Variants in HMCN1 observed in about 807,000 individuals in gnomAD.
The protein encoded by HMCN1 is hemicentin 1.
A neutral mutation model predicts 625.9 loss-of-function variants in HMCN1; 321 were observed. That is an observed-to-expected ratio of 0.51 (90% confidence interval 0.47 to 0.56). HMCN1 has a LOEUF of 0.56. HMCN1 is among the 20% of genes least tolerant of loss of function. HMCN1 has a pLI of 0.00. For synonymous variants in HMCN1, 2,425 were observed against 2,417.6 expected (o/e 1.00, Z -0.09); for missense variants, 6,588 against 6,887.3 (o/e 0.96, Z 1.54).
chr1:185,859,234 G>A (rs1458993600), intron 2 of HMCN1, among the ~76,000 whole-genome samples: 2 of 151,438 alleles, frequency 1.3e-5, no homozygotes. Flanking sequence ...GTAAATTAAA[G>A]CAATTTAAAT....
At chr1:185,797,965 CAAAAAAAA>C (rs35031310) in intron 1 of HMCN1, among the ~76,000 whole-genome samples, 2 of 13,664 alleles carry the variant, frequency 1.5e-4, no homozygotes, top group African/African-American at 3.2e-4. Flanking sequence ...GACTCCGTCT[CAAAAAAAA>C]AAAAAAAAAA....
In HMCN1 at chr1:185,788,794, T is replaced by G. The variant is rs563945827; in HGVS notation, c.268+53747T>G. On this transcript the variant is annotated intron_variant, in intron 1 of 106. Transcript: ENST00000271588. Reference sequence around the variant, plus strand: ...GCAGTTTTTCTTTTTAATGGATTTTTTTTTCAAAATTATATTCAGAAAGAA... The same window carrying G: ...GCAGTTTTTCTTTTTAATGGATTTTGTTTTCAAAATTATATTCAGAAAGAA... Among the ~76,000 whole-genome samples, 7 of 152,232 alleles carry G rather than the reference T, an allele frequency of 4.6e-5. No individual in the cohort carries two copies. The South Asian group carries it at 1.5e-3, about 32-fold the overall frequency.
Position 186,189,755 on chromosome 1 carries a change from A to G in HMCN1, c.16785A>G (p.Arg5595=). The part of the protein sequence containing the change: ...ENLKGVVYTT[R]PLREAETYRM... ...TGAAAGGAGTGGTGTATACAACACG[A>G]CCACTACGAGAAGCAGAGACCTACC... The change falls in exon 107 of 107, where the codon CGA becomes CGG. Residue 5595 remains arginine (R), a synonymous_variant. Coordinates refer to ENST00000271588, the MANE Select transcript of HMCN1 (RefSeq NM_031935.3). 1 of 1,613,712 alleles carries G rather than the reference A, an allele frequency of 6.2e-7. No individual in the cohort carries two copies. Among genetic ancestry groups the G allele is most frequent in the Middle Eastern group, 1.7e-4 (1 of 6,050 alleles).
At chr1:185,925,342 G>A (rs532392908) in intron 9 of HMCN1, 151 bp downstream of exon 9, 39 of 732,282 alleles carry the variant, frequency 5.3e-5, no homozygotes, top group African/African-American at 1.9e-4. Flanking sequence ...AATCTGTGCC[G>A]TTGTGGAGCT....
chr1:185,974,581 G>A (rs1026450573), intron 15 of HMCN1, among the ~76,000 whole-genome samples: 12 of 152,090 alleles, frequency 7.9e-5, no homozygotes, highest in African/African-American at 2.9e-4. Flanking sequence ...CTTCCCCATA[G>A]TTTCATTAAT....
intron 11 of HMCN1, among the ~76,000 whole-genome samples, chr1:185,948,759 TAAAAC>T (rs1162481411): frequency 2.0e-5 from 3 of 150,930 alleles, no homozygotes; most frequent in Admixed American, 1.3e-4. Context: ...ATAAGAAAAA[TAAAAC>T]AAAATAGTGT....
chr1:185,962,609 A>G lies in HMCN1; in HGVS notation c.1920A>G (p.Lys640=). The G allele has an allele frequency of 1.3e-6, 2 of 1,592,344 alleles. No homozygotes were observed. Among genetic ancestry groups the G allele is most frequent in the Admixed American group, 1.7e-5 (1 of 59,986 alleles). Residue 640 remains lysine (K), a synonymous_variant, in exon 12 of 107, where the codon AAA becomes AAG. Transcript: ENST00000271588. ...SIMCSATGYP[K]PKIAWTVNDM... ...TGTGTTCTGCAACAGGTTATCCCAA[A>G]CCAAAGATTGCCTGGACCGTTAACG...
chr1:186,145,472 G>A lies in HMCN1; in HGVS notation c.14336G>A (p.Arg4779Gln), dbSNP rs144926247. 2.4e-4 allele frequency: 380 copies of A among 1,611,958 alleles called. 1 individual carries two copies. In the African/African-American group the frequency reaches 3.7e-3, roughly 16 times the overall value. Residue 4779 changes from arginine to glutamine, a missense_variant, in exon 92 of 107, where the codon CGG becomes CAG. Arg to Gln is a conservative substitution (Grantham distance 43, BLOSUM62 1). Around this residue, in one of 3 missense-constraint regions of HMCN1, gnomAD observed 1,954 missense variants for 2,013.1 expected, o/e 0.97. Coordinates refer to ENST00000271588, the MANE Select transcript of HMCN1 (RefSeq NM_031935.3). ...CSRTCNGGQM[R>Q]RYRTCDNPPP... ...CGGACGTGTAACGGAGGGCAGATGC[G>A]GCGGTACCGCACATGTGATAACCCT...
intron 15 of HMCN1, among the ~76,000 whole-genome samples, chr1:185,972,478 T>A (rs1043507427): frequency 6.6e-6 from 1 of 152,222 alleles, no homozygotes; most frequent in Admixed American, 6.5e-5. Context: ...TGAATTTTAT[T>A]TTATCTTCAC....
chr1:186,020,652 G>T (rs1654663600), intron 35 of HMCN1, among the ~76,000 whole-genome samples: 2 of 152,074 alleles, frequency 1.3e-5, no homozygotes, highest in South Asian at 4.1e-4. Context: ...AATGAGAAAA[G>T]CAAAGCCTTC....
At chr1:185,880,482 C>T (rs1571493015) in intron 4 of HMCN1, among the ~76,000 whole-genome samples, 1 of 152,120 alleles carries the variant, frequency 6.6e-6, no homozygotes, top group Non-Finnish European at 1.5e-5. Flanking sequence ...CTTCCTTAAT[C>T]CTGGAAAACT....
At chr1:185,795,478 G>A (rs975141919) in intron 1 of HMCN1, among the ~76,000 whole-genome samples, 1 of 152,096 alleles carries the variant, frequency 6.6e-6, no homozygotes, top group Admixed American at 6.5e-5. Flanking sequence ...CATAAAATTT[G>A]GTGCCCTCAT....
At chr1:185,942,190 C>CAAAAAAAA (rs541622782) in intron 11 of HMCN1, among the ~76,000 whole-genome samples, 1 of 53,104 alleles carries the variant, frequency 1.9e-5, no homozygotes. Context: ...GACTCCATCT[C>CAAAAAAAA]AAAAAAAAAA....
chr1:186,015,479 A>G (rs1654308106), intron 31 of HMCN1, 42 bp downstream of exon 31: 2 of 1,573,844 alleles, frequency 1.3e-6, no homozygotes, highest in Non-Finnish European at 1.7e-6. Context: ...CTTTCTACCT[A>G]TGCTTTCTAA....
chr1:185,741,307 T>C (rs138118509), intron 1 of HMCN1, among the ~76,000 whole-genome samples: 67 of 152,264 alleles, frequency 4.4e-4, no homozygotes, highest in African/African-American at 1.5e-3. Flanking sequence ...GGCCTTTCAC[T>C]GAGATGGAGA....
chr1:185,880,676 C>T (rs188719361), intron 4 of HMCN1, among the ~76,000 whole-genome samples: 6 of 152,220 alleles, frequency 3.9e-5, no homozygotes, highest in Admixed American at 2.6e-4. Context: ...TGCTGCCTAC[C>T]AGAGTGCCAG....
chr1:185,814,825 G>A (rs1324141716), intron 1 of HMCN1, among the ~76,000 whole-genome samples: 1 of 149,406 alleles, frequency 6.7e-6, no homozygotes, highest in Non-Finnish European at 1.5e-5. Flanking sequence ...CCAAGTAGCT[G>A]GGACTACAGG....
intron 11 of HMCN1, among the ~76,000 whole-genome samples, chr1:185,950,272 T>C (rs868592301): frequency 1.3e-5 from 2 of 151,608 alleles, no homozygotes; most frequent in Middle Eastern, 3.4e-3. Flanking sequence ...ATGCGTCAGG[T>C]ATGAGGAAGA....
intron 24 of HMCN1, among the ~76,000 whole-genome samples, chr1:185,996,119 T>C (rs1054670128): frequency 6.6e-6 from 1 of 152,146 alleles, no homozygotes; most frequent in Non-Finnish European, 1.5e-5. Context: ...TGAAATAGTC[T>C]CATGACTATG....
Sources: gnomAD v4.1 joint callset for allele counts (sites outside exome capture counted in the v4.1 genomes callset) on GRCh38, gnomAD v4.1.1 for gene constraint, gnomAD v4.1.1 regional missense constraint, MANE v1.5 for transcripts, NCBI Gene and HGNC (gene_info 2026-07-23, HGNC 2026-07-21) for gene names.